The following B3GALNT2 variants were observed in gnomAD, a reference collection of about 807,000 sequenced individuals.
The protein encoded by B3GALNT2 is UDP-GalNAc:beta-1,3-N-acetylgalactosaminyltransferase 2.
In B3GALNT2, 53 loss-of-function variants were observed where a neutral mutation model predicts 61.1. That is an observed-to-expected ratio of 0.87 (90% CI 0.70 to 1.09). The LOEUF (loss-of-function observed/expected upper bound fraction) is 1.09, where lower values mean the gene tolerates loss of function less well. Ranked by LOEUF, B3GALNT2 falls within the 50% of genes least tolerant of loss-of-function variation. The probability of loss-of-function intolerance (pLI) is 0.00; values close to 1 mark genes in which losing one functional copy is unlikely to be tolerated. For missense variants in B3GALNT2, 544 were observed against 623.0 expected, an observed-to-expected ratio of 0.87 and a Z score of 1.35; for synonymous variants, 223 against 237.4, an observed-to-expected ratio of 0.94 and a Z score of 0.56.
intron 8 of B3GALNT2, among the ~76,000 whole-genome samples, chr1:235,457,503 T>C (rs1225458782): frequency 6.6e-6 from 1 of 152,132 alleles, no homozygotes; most frequent in African/African-American, 2.4e-5. Context: ...TATATAGATA[T>C]ATAATATGTA....
intron 6 of B3GALNT2, among the ~76,000 whole-genome samples, chr1:235,468,448 AC>A (rs1683822703): frequency 7.5e-5 from 8 of 106,868 alleles, no homozygotes; most frequent in Admixed American, 7.3e-4. Context: ...TCAGAAACCT[AC>A]CTTTTTTTTT....
downstream of B3GALNT2, chr1:235,442,719 T>A (rs970740492): frequency 1.1e-5 from 9 of 789,500 alleles, no homozygotes; most frequent in Non-Finnish European, 1.9e-5. Context: ...ATAGAAAGAA[T>A]TTTAAACATT....
chr1:235,485,256 T>C (rs752293080), intron 3 of B3GALNT2, among the ~76,000 whole-genome samples: 7 of 152,212 alleles, frequency 4.6e-5, no homozygotes, highest in Non-Finnish European at 8.8e-5. Flanking sequence ...GATTCCAAAG[T>C]CAGTCCCCTT....
intron 1 of B3GALNT2, among the ~76,000 whole-genome samples, chr1:235,502,545 T>A (rs545065566): frequency 1.3e-5 from 2 of 152,230 alleles, no homozygotes; most frequent in Non-Finnish European, 2.9e-5. Context: ...TTCCTTTCTA[T>A]GGTCTACTTC....
chr1:235,486,751 G>C (rs1684826144), intron 3 of B3GALNT2, among the ~76,000 whole-genome samples: 1 of 152,052 alleles, frequency 6.6e-6, no homozygotes, highest in South Asian at 2.1e-4. Flanking sequence ...TAAAAATATG[G>C]TTAATTTAAA....
chr1:235,500,993 C>G (rs887387315), intron 1 of B3GALNT2, among the ~76,000 whole-genome samples: 3 of 152,170 alleles, frequency 2.0e-5, no homozygotes, highest in Non-Finnish European at 4.4e-5. Context: ...ACTGTGAGCA[C>G]CTTGGGAGAA....
chr1:235,479,917 C>T (rs1334745691), intron 5 of B3GALNT2, 137 bp downstream of exon 5: 1 of 1,409,134 alleles, frequency 7.1e-7, no homozygotes, highest in Non-Finnish European at 9.4e-7. Flanking sequence ...TTAGCCCATC[C>T]ACAGTTGGTA....
chr1:235,489,338 A>T lies in B3GALNT2; in HGVS notation c.261-70T>A, dbSNP rs544927456. ...CGCACATGCACGTTTCCTCATGCCC[A>T]TTTCAGAGCTTTTACTTTGAGACAC... On this transcript the variant is annotated intron_variant, in intron 2 of 11. Transcript: ENST00000366600. 3 of 1,583,864 alleles carry T rather than the reference A, an allele frequency of 1.9e-6. No individual in the cohort carries two copies. The East Asian group carries it at 6.7e-5, about 36-fold the overall frequency.
chr1:235,490,627 C>G (rs1432028628), intron 2 of B3GALNT2, among the ~76,000 whole-genome samples: 1 of 152,308 alleles, frequency 6.6e-6, no homozygotes, highest in South Asian at 2.1e-4. Flanking sequence ...GTGCTAAAGC[C>G]TGCTACTACT....
intron 5 of B3GALNT2, among the ~76,000 whole-genome samples, chr1:235,475,073 A>T (rs1278297627): frequency 7.5e-6 from 1 of 133,868 alleles, no homozygotes; most frequent in Non-Finnish European, 1.5e-5. Context: ...ATCTTGGCTC[A>T]CTACAACCTC....
chr1:235,489,056 A>G, intron 3 of B3GALNT2, 112 bp downstream of exon 3: 1 of 1,343,044 alleles, frequency 7.4e-7, no homozygotes, highest in East Asian at 2.6e-5. Context: ...TCTCTAAAAC[A>G]CATAATAAAA....
Position 235,450,059 on chromosome 1 carries a change from C to T in B3GALNT2, c.*147G>A. On this transcript the variant is annotated 3_prime_UTR_variant, in exon 12 of 12. Transcript: ENST00000366600. The stretch of plus-strand genomic sequence containing the variant: ...GGAAATTTGTGCAAACATTAAGAAA[C>T]ACCGCATTGGTTCTGGGTGAAAGTG... 1 of 913,154 alleles carries T rather than the reference C, an allele frequency of 1.1e-6. No individual in the cohort carries two copies. The allele number at this position is 913,154 out of a possible 1,614,324, so 56.6% of individuals were successfully genotyped here.
At chr1:235,468,414 T>TTACATTTGAACC (rs1157636501) in intron 6 of B3GALNT2, among the ~76,000 whole-genome samples, 2 of 151,980 alleles carry the variant, frequency 1.3e-5, no homozygotes, top group African/African-American at 4.8e-5. Context: ...ATTTGAGTCT[T>TTACATTTGAACC]TACATTTGAA....
In B3GALNT2 at chr1:235,476,786, G is replaced by A. The variant is rs142893564; in HGVS notation, c.651+3268C>T. Among the ~76,000 whole-genome samples the A allele has an allele frequency of 1.0e-3, 152 of 151,808 alleles. 1 individual carries two copies. In the East Asian group the frequency reaches 0.029, roughly 29 times the overall value. ...AATCACTTGAACGTGGGAGGCAGAG[G>A]TTGCAGTGAGCCAGAATCATGCCAG... On this transcript the variant is annotated intron_variant, in intron 5 of 11. Transcript: ENST00000366600.
chr1:235,452,740 C>T (rs1180571586), intron 11 of B3GALNT2, among the ~76,000 whole-genome samples: 16 of 151,856 alleles, frequency 1.1e-4, no homozygotes, highest in African/African-American at 2.9e-4. Context: ...TTTGTAGAGA[C>T]GGGGGGTTTC....
At chr1:235,495,535 A>G (rs1685278428) in intron 1 of B3GALNT2, among the ~76,000 whole-genome samples, 1 of 151,686 alleles carries the variant, frequency 6.6e-6, no homozygotes, top group Non-Finnish European at 1.5e-5. Flanking sequence ...CAACACTTTT[A>G]GTAAAAAAAA....
At chr1:235,491,588 G>A (rs557974876) in intron 2 of B3GALNT2, among the ~76,000 whole-genome samples, 2 of 152,066 alleles carry the variant, frequency 1.3e-5, no homozygotes, top group African/African-American at 4.8e-5. Context: ...TGTTTTGATT[G>A]ATGATTCCAC....
In B3GALNT2 at chr1:235,457,484, C is replaced by T. The variant is rs1048200475; in HGVS notation, c.1025+1119G>A. On this transcript the variant is annotated intron_variant, in intron 8 of 11. Transcript: ENST00000366600. The stretch of plus-strand genomic sequence containing the variant: ...GTAACTAATAATTCTAATAACTATA[C>T]GTTAAGATTATATAGATATATAATA... Among the ~76,000 whole-genome samples, 58 of 151,940 alleles carry T rather than the reference C, an allele frequency of 3.8e-4. 2 individuals carry two copies. Among genetic ancestry groups the T allele is most frequent in the African/African-American group, 1.2e-3 (48 of 41,410 alleles).
At chr1:235,462,727 C>T (rs1185895210) in intron 7 of B3GALNT2, among the ~76,000 whole-genome samples, 1 of 152,124 alleles carries the variant, frequency 6.6e-6, no homozygotes, top group East Asian at 1.9e-4. Context: ...CATGGATGTT[C>T]AAAGACTTAA....
Sources: gnomAD v4.1 joint callset for allele counts (sites outside exome capture counted in the v4.1 genomes callset) on GRCh38, gnomAD v4.1.1 for gene constraint, MANE v1.5 for transcripts, NCBI Gene and HGNC (gene_info 2026-07-23, HGNC 2026-07-21) for gene names.